The following LRRC37A2 variants were observed in gnomAD, a reference collection of about 807,000 sequenced individuals.
The protein encoded by LRRC37A2 is leucine rich repeat containing 37 member A2.
In LRRC37A2, 9 loss-of-function variants were observed where a neutral mutation model predicts 68.8. The observed-to-expected ratio is 0.13, with a 90% CI of 0.08 to 0.23. The LOEUF (loss-of-function observed/expected upper bound fraction) is 0.23. Among genes scored for constraint, LRRC37A2 ranks in the 10% least tolerant of loss-of-function variants. The probability of loss-of-function intolerance (pLI) is 1.00; values close to 1 mark genes in which losing one functional copy is unlikely to be tolerated. For synonymous variants in LRRC37A2, 63 were observed against 367.6 expected, an observed-to-expected ratio of 0.17 and a Z score of 9.48; for missense variants, 168 against 950.4, an observed-to-expected ratio of 0.18 and a Z score of 10.82.
At chr17:46,797,139 G>A in the LRRC37A2 span, among the ~76,000 whole-genome samples, 1 of 152,154 alleles carries the variant, frequency 6.6e-6, no homozygotes, top group South Asian at 2.1e-4. Context: ...ATTCAAATGA[G>A]AACAATAAAC....
At chr17:46,840,829 G>C in the LRRC37A2 span, among the ~76,000 whole-genome samples, 12 of 152,184 alleles carry the variant, frequency 7.9e-5, no homozygotes, top group Non-Finnish European at 1.8e-4. Context: ...CATATCCTTT[G>C]CCCATTTTTT....
chr17:46,901,760 A>G, the LRRC37A2 span, among the ~76,000 whole-genome samples: 2 of 151,682 alleles, frequency 1.3e-5, no homozygotes, highest in Admixed American at 6.6e-5. Flanking sequence ...TTCCCCCACA[A>G]TGTCAGCTGC....
At chr17:46,930,286 A>G in the LRRC37A2 span, 2 of 152,356 alleles carry the variant, frequency 1.3e-5, no homozygotes, top group Non-Finnish European at 2.9e-5. Context: ...AGGAAGGGGC[A>G]GTGTCACTGC....
the LRRC37A2 span, among the ~76,000 whole-genome samples, chr17:46,501,529 C>G: frequency 4.0e-5 from 6 of 151,232 alleles, no homozygotes; most frequent in East Asian, 1.2e-3. Context: ...AGTCGTCTGC[C>G]GGCTGTTATA....
chr17:46,784,915 A>C, the LRRC37A2 span, among the ~76,000 whole-genome samples: 4 of 151,858 alleles, frequency 2.6e-5, no homozygotes, highest in East Asian at 7.8e-4. Flanking sequence ...AGCTGGGACT[A>C]CAGGCACCCG....
the LRRC37A2 span, chr17:46,726,714 G>A: frequency 2.9e-6 from 3 of 1,048,212 alleles, no homozygotes; most frequent in South Asian, 1.3e-5. Flanking sequence ...AAACTGTAAA[G>A]CAATAGAAAT....
the LRRC37A2 span, chr17:46,768,706 G>A: frequency 1.9e-6 from 3 of 1,614,138 alleles, no homozygotes; most frequent in South Asian, 1.1e-5. The surrounding 1 kb of genome is among the most constrained non-coding windows in gnomAD (Gnocchi z 5.0). Flanking sequence ...CCGATGGCAC[G>A]GAAGTCAGGC....
At chr17:46,900,168 C>CATATATATATAT in the LRRC37A2 span, among the ~76,000 whole-genome samples, 8 of 64,054 alleles carry the variant, frequency 1.2e-4, no homozygotes, top group South Asian at 1.2e-3. Flanking sequence ...TATACATATA[C>CATATATATATAT]ATATATATAT....
At chr17:46,816,475 G>GCACGCA in the LRRC37A2 span, among the ~76,000 whole-genome samples, 260 of 144,342 alleles carry the variant, frequency 1.8e-3, 1 homozygote, top group African/African-American at 6.5e-3. Context: ...CAGAACACAC[G>GCACGCA]CACACACACA....
At chr17:46,737,778 A>C in the LRRC37A2 span, among the ~76,000 whole-genome samples, 1 of 152,158 alleles carries the variant, frequency 6.6e-6, no homozygotes, top group Middle Eastern at 3.4e-3. Context: ...CACAAATAGT[A>C]GTTTCGGATC....
chr17:46,757,495 G>A, the LRRC37A2 span: 4 of 152,682 alleles, frequency 2.6e-5, no homozygotes, highest in African/African-American at 7.2e-5. Flanking sequence ...CATATAGAAC[G>A]ACATGAACAG....
chr17:46,943,703 C>A, the LRRC37A2 span, among the ~76,000 whole-genome samples: 1 of 152,356 alleles, frequency 6.6e-6, no homozygotes, highest in East Asian at 1.9e-4. Flanking sequence ...GCAGCCAGGC[C>A]AGGAGGAAGC....
At chr17:46,936,089 A>T in the LRRC37A2 span, 1 of 985,712 alleles carries the variant, frequency 1.0e-6, no homozygotes, top group Non-Finnish European at 1.2e-6. Context: ...TGCAAGTGAC[A>T]CTCACCTCCT....
At chr17:47,003,850 C>G in the LRRC37A2 span, among the ~76,000 whole-genome samples, 16 of 152,212 alleles carry the variant, frequency 1.1e-4, no homozygotes, top group East Asian at 2.5e-3. Context: ...AGGTATACTG[C>G]CTAATGCTTT....
At chr17:46,904,044 T>G in the LRRC37A2 span, among the ~76,000 whole-genome samples, 12 of 145,878 alleles carry the variant, frequency 8.2e-5, no homozygotes, top group Non-Finnish European at 4.5e-5. Flanking sequence ...GGGGGTTAGA[T>G]AGATGAGTTG....
chr17:46,542,376 T>C (rs1225894560), intron 8 of LRRC37A2, among the ~76,000 whole-genome samples: 1 of 148,882 alleles, frequency 6.7e-6, no homozygotes, highest in Non-Finnish European at 1.5e-5. Context: ...TTTTTATTTT[T>C]TATTTTTTTG....
chr17:46,935,286 A>T, the LRRC37A2 span: 2 of 1,584,928 alleles, frequency 1.3e-6, no homozygotes, highest in Middle Eastern at 1.7e-4. Flanking sequence ...TTTGATGACA[A>T]GACAGAGCCC....
At chr17:46,875,608 G>A in the LRRC37A2 span, among the ~76,000 whole-genome samples, 29 of 152,224 alleles carry the variant, frequency 1.9e-4, no homozygotes, top group African/African-American at 7.0e-4. Context: ...TGGAAGCAGT[G>A]GTCACCAGTG....
At chr17:46,828,419 T>G in the LRRC37A2 span, among the ~76,000 whole-genome samples, 29 of 151,880 alleles carry the variant, frequency 1.9e-4, no homozygotes, top group African/African-American at 7.0e-4. Flanking sequence ...GCCAGGGTGG[T>G]CTTGAACTCC....
Sources: gnomAD v4.1 joint callset for allele counts (sites outside exome capture counted in the v4.1 genomes callset) on GRCh38, gnomAD v4.1.1 for gene constraint, Gnocchi (gnomAD v3.1) non-coding constraint, MANE v1.5 for transcripts, NCBI Gene and HGNC (gene_info 2026-07-23, HGNC 2026-07-21) for gene names.